The following PRKG2 variants were observed in gnomAD, a reference collection of about 807,000 sequenced individuals.
The protein encoded by PRKG2 is cGMP-dependent protein kinase 2.
Under a neutral mutation model 97.2 loss-of-function variants are expected in PRKG2, and 33 were observed. That is an observed-to-expected ratio of 0.34 (90% confidence interval 0.26 to 0.45). The LOEUF (loss-of-function observed/expected upper bound fraction) is 0.45, where lower values mean the gene tolerates loss of function less well. Among genes scored for constraint, PRKG2 ranks in the 20% least tolerant of loss-of-function variants. The pLI is 1.00. For missense variants in PRKG2, 638 were observed against 900.0 expected (o/e 0.71, Z 3.73); for synonymous variants, 330 against 321.8 (o/e 1.03, Z -0.27).
rs148586098 is a variant in PRKG2, at chr4:81,194,942, C to T, written c.461+9645G>A. Reference sequence around the variant, plus strand: ...AATATACATATATATATATACGCACCTATAATCCATATGCCCAGGGCTCTT... The same window carrying T: ...AATATACATATATATATATACGCACTTATAATCCATATGCCCAGGGCTCTT... On this transcript the variant is annotated intron_variant, in intron 2 of 18. Coordinates refer to ENST00000264399, the MANE Select transcript of PRKG2 (RefSeq NM_006259.3). Among the ~76,000 whole-genome samples the T allele has an allele frequency of 4.7e-5, 7 of 147,444 alleles. No homozygotes were observed. In the East Asian group the frequency reaches 1.4e-3, roughly 29 times the overall value.
chr4:81,179,134 C>CAA lies in PRKG2; in HGVS notation c.462-4177_462-4176dup, dbSNP rs575898558. Among the ~76,000 whole-genome samples, 338 of 120,112 alleles carry CAA rather than the reference C, an allele frequency of 2.8e-3. 3 individuals carry two copies. Among genetic ancestry groups the CAA allele is most frequent in the African/African-American group, 9.4e-3 (321 of 34,152 alleles). 78.8% of individuals were successfully genotyped at this position (120,112 alleles called of 152,430 possible). Reference sequence around the variant, plus strand: ...AGTGAGACTCTGTCCCAAAAACAAACAAAAAAAAAAAGAAAAGAAAAAAGA... The same window carrying CAA: ...AGTGAGACTCTGTCCCAAAAACAAACAAAAAAAAAAAAAGAAAAGAAAAAAGA... On this transcript the variant is annotated intron_variant, in intron 2 of 18. Transcript: ENST00000264399.
intron 2 of PRKG2, among the ~76,000 whole-genome samples, chr4:81,182,632 A>C (rs555380383): frequency 1.3e-5 from 2 of 152,230 alleles, no homozygotes; most frequent in African/African-American, 4.8e-5. Flanking sequence ...AAAAGATATG[A>C]TTATGTATGT....
chr4:81,092,971 C>T (rs1399922499), intron 17 of PRKG2, among the ~76,000 whole-genome samples: 2 of 152,126 alleles, frequency 1.3e-5, no homozygotes, highest in Non-Finnish European at 2.9e-5. Flanking sequence ...CAAGACTGGT[C>T]GTTTATAGCA....
chr4:81,187,865 ATCAAT>A (rs1424031101), intron 2 of PRKG2, among the ~76,000 whole-genome samples: 1 of 152,128 alleles, frequency 6.6e-6, no homozygotes, highest in Non-Finnish European at 1.5e-5. Context: ...TTATACAAAA[ATCAAT>A]TCAAGATGGA....
intron 2 of PRKG2, among the ~76,000 whole-genome samples, chr4:81,179,049 C>T (rs1751175924): frequency 3.3e-5 from 5 of 151,654 alleles, no homozygotes; most frequent in Admixed American, 6.6e-5. Flanking sequence ...TGCTTGAACC[C>T]GGGAGGCAGA....
intron 10 of PRKG2, 74 bp from the exon 11 acceptor site, chr4:81,143,021 C>T (rs1046626029): frequency 2.1e-6 from 3 of 1,450,478 alleles, no homozygotes; most frequent in Non-Finnish European, 2.8e-6. Context: ...ATAAATTTCA[C>T]TCCTACGACA....
At chr4:81,132,734 T>C (rs549844577) in intron 14 of PRKG2, among the ~76,000 whole-genome samples, 69 of 152,330 alleles carry the variant, frequency 4.5e-4, no homozygotes, top group African/African-American at 1.6e-3. Flanking sequence ...ATTGCATATA[T>C]AATTTCAATC....
rs141401856 is a variant in PRKG2, at chr4:81,095,482, C to T, written c.2127-3030G>A. Among the ~76,000 whole-genome samples the T allele has an allele frequency of 2.0e-3, 301 of 152,300 alleles. 1 individual carries two copies. The highest frequency in any genetic ancestry group is 6.7e-3 in the African/African-American group (279 of 41,572). ...ACATATTTTACAATGCTCTCTACCC[C>T]GAGGTGCCTCATAAATATTAATAAA... is the stretch of plus-strand genomic sequence containing the variant. On this transcript the variant is annotated intron_variant, in intron 17 of 18. Coordinates refer to ENST00000264399, the MANE Select transcript of PRKG2 (RefSeq NM_006259.3).
intron 11 of PRKG2, among the ~76,000 whole-genome samples, chr4:81,141,860 A>C (rs571449959): frequency 6.6e-6 from 1 of 152,300 alleles, no homozygotes; most frequent in Admixed American, 6.5e-5. Context: ...ATCCTAAGGA[A>C]CATCTGTCCC....
At chr4:81,117,441 A>G (rs1744658355) in intron 14 of PRKG2, among the ~76,000 whole-genome samples, 1 of 152,076 alleles carries the variant, frequency 6.6e-6, no homozygotes, top group Admixed American at 6.5e-5. Context: ...CTGACTTTTG[A>G]GAGTTAGTGG....
intron 2 of PRKG2, among the ~76,000 whole-genome samples, chr4:81,181,786 T>C (rs1433729831): frequency 6.6e-6 from 1 of 151,994 alleles, no homozygotes; most frequent in African/African-American, 2.4e-5. Flanking sequence ...TAGTTGTTCA[T>C]ACTATGTAGT....
chr4:81,166,849 T>C (rs557886628), intron 6 of PRKG2, among the ~76,000 whole-genome samples: 1 of 152,250 alleles, frequency 6.6e-6, no homozygotes, highest in East Asian at 1.9e-4. Flanking sequence ...GTGATGTTAA[T>C]TGTAGAAAAT....
rs530635385 is a variant in PRKG2, at chr4:81,122,390, T to A, written c.1777-11779A>T. 2.0e-5 allele frequency among the ~76,000 whole-genome samples: 3 copies of A among 152,258 alleles called. No homozygotes were observed. The South Asian group carries it at 6.2e-4, about 32-fold the overall frequency. On this transcript the variant is annotated intron_variant, in intron 14 of 18. Coordinates refer to ENST00000264399, the MANE Select transcript of PRKG2 (RefSeq NM_006259.3). The stretch of plus-strand genomic sequence containing the variant: ...TCCATGATCCTTTAGTTCTTTAATC[T>A]CCACTCAGTGTGATTTCTGATAAAA...
chr4:81,169,314 T>C (rs1750256745), intron 5 of PRKG2, among the ~76,000 whole-genome samples: 1 of 152,096 alleles, frequency 6.6e-6, no homozygotes, highest in Non-Finnish European at 1.5e-5. Flanking sequence ...TTAGAAAGCT[T>C]GTCTTTTGGC....
At chr4:81,155,996 C>G (rs967144604) in intron 6 of PRKG2, among the ~76,000 whole-genome samples, 4 of 152,002 alleles carry the variant, frequency 2.6e-5, no homozygotes, top group African/African-American at 4.8e-5. Flanking sequence ...TAAAGACCAT[C>G]GAGACTAGGA....
intron 14 of PRKG2, among the ~76,000 whole-genome samples, chr4:81,123,289 A>G (rs1199230689): frequency 1.3e-5 from 2 of 152,218 alleles, no homozygotes. Context: ...TTGGCCTTTC[A>G]TGATCATGTG....
chr4:81,155,165 G>A (rs1486666007), intron 6 of PRKG2, among the ~76,000 whole-genome samples: 23 of 77,796 alleles, frequency 3.0e-4, no homozygotes, highest in Middle Eastern at 6.9e-3. Flanking sequence ...GCGACAGAGC[G>A]AGACTCCGTC....
chr4:81,144,156 C>A, intron 10 of PRKG2, 76 bp downstream of exon 10: 1 of 1,361,186 alleles, frequency 7.3e-7, no homozygotes. Context: ...CACAGCAAGT[C>A]ACACCCTCTG....
chr4:81,094,112 G>A (rs931838169), intron 17 of PRKG2, among the ~76,000 whole-genome samples: 2 of 152,160 alleles, frequency 1.3e-5, no homozygotes, highest in African/African-American at 4.8e-5. Flanking sequence ...GCCTGTAACT[G>A]AAACAAATGT....
Sources: gnomAD v4.1 joint callset for allele counts (sites outside exome capture counted in the v4.1 genomes callset) on GRCh38, gnomAD v4.1.1 for gene constraint, MANE v1.5 for transcripts, NCBI Gene and HGNC (gene_info 2026-07-23, HGNC 2026-07-21) for gene names.